The following STAG1 variants were observed in gnomAD, a reference collection of about 807,000 sequenced individuals.
The protein encoded by STAG1 is cohesin subunit SA-1.
STAG1 carries 26 observed loss-of-function variants against 170.9 expected under a neutral mutation model. The ratio of observed to expected loss-of-function variants is 0.15; its 90% confidence interval spans 0.11 to 0.21. The LOEUF (loss-of-function observed/expected upper bound fraction) is 0.21, where lower values mean the gene tolerates loss of function less well. Ranked by LOEUF, STAG1 falls within the 10% of genes least tolerant of loss-of-function variation. STAG1 has a pLI of 1.00. For synonymous variants in STAG1, 514 were observed against 497.7 expected (o/e 1.03, Z -0.44); for missense variants, 964 against 1,509.5 (o/e 0.64, Z 5.99).
rs1289505299 is a variant in STAG1, at chr3:136,550,597, G to A, written c.395-8402C>T. On this transcript the variant is annotated intron_variant, in intron 5 of 33. Transcript: ENST00000383202. ...GCTGGAATTACAGGCATGAGCCACT[G>A]TGCCTGGCCCAGCTTTTCTTTTTCT... is the stretch of plus-strand genomic sequence containing the variant. Among the ~76,000 whole-genome samples the A allele has an allele frequency of 3.9e-5, 6 of 152,026 alleles. 1 individual carries two copies. Among genetic ancestry groups the A allele is most frequent in the Admixed American group, 2.6e-4 (4 of 15,260 alleles).
intron 22 of STAG1, among the ~76,000 whole-genome samples, chr3:136,381,675 T>G (rs1576411046): frequency 6.6e-6 from 1 of 152,236 alleles, no homozygotes; most frequent in South Asian, 2.1e-4. Flanking sequence ...GATTTTTTTT[T>G]GGTCATTCTT....
chr3:136,502,470 C>T (rs757226077), intron 8 of STAG1, among the ~76,000 whole-genome samples, 158 bp downstream of exon 8: 2 of 152,172 alleles, frequency 1.3e-5, no homozygotes, highest in Admixed American at 6.5e-5. Context: ...CTTACATGAT[C>T]ACCAATGAAC....
intron 6 of STAG1, among the ~76,000 whole-genome samples, chr3:136,537,057 C>T (rs1200377198): frequency 1.3e-5 from 2 of 152,130 alleles, no homozygotes; most frequent in Admixed American, 6.5e-5. Context: ...AAATTCATTA[C>T]AATTTCTGGA....
chr3:136,359,365 T>G (rs947447479), intron 26 of STAG1, 69 bp from the exon 27 acceptor site: 2 of 1,179,712 alleles, frequency 1.7e-6, no homozygotes, highest in South Asian at 3.5e-5. Context: ...TCAGAATAGG[T>G]AATTAAAAAA....
chr3:136,369,227 C>A lies in STAG1; in HGVS notation c.2426G>T (p.Gly809Val). The A allele has an allele frequency of 1.2e-6, 2 of 1,603,924 alleles. No homozygotes were observed. The highest frequency in any genetic ancestry group is 2.2e-5 in the South Asian group (2 of 88,906). The part of the protein sequence containing the change: ...LMIFSHQLMT[G>V]GREGLQPLVF... Reference sequence around the variant, plus strand: ...CAAAGGCTGAAGGCCCTCTCTGCCACCTGTCATTAATTGGTGGCTGAAAAT... The same window carrying A: ...CAAAGGCTGAAGGCCCTCTCTGCCAACTGTCATTAATTGGTGGCTGAAAAT... The change falls in exon 24 of 34, where the codon GGT (glycine) becomes GTT (valine). Residue 809 changes from glycine to valine, a missense_variant. Coordinates refer to ENST00000383202, the MANE Select transcript of STAG1 (RefSeq NM_005862.3).
intron 1 of STAG1, among the ~76,000 whole-genome samples, chr3:136,730,372 G>C (rs1363300519): frequency 6.6e-6 from 1 of 152,026 alleles, no homozygotes; most frequent in Non-Finnish European, 1.5e-5. Flanking sequence ...AAGGTTTTTT[G>C]TTTTAATTGC....
intron 4 of STAG1, among the ~76,000 whole-genome samples, chr3:136,582,740 A>G (rs999608411): frequency 6.6e-6 from 1 of 152,242 alleles, no homozygotes; most frequent in East Asian, 1.9e-4. Context: ...CGGAGGCTGC[A>G]GTGAGCAGAG....
chr3:136,451,166 T>C (rs933922567), intron 14 of STAG1, among the ~76,000 whole-genome samples: 43 of 142,546 alleles, frequency 3.0e-4, no homozygotes, highest in Non-Finnish European at 3.1e-5. Context: ...GATTACAATA[T>C]ATTAAAAAAA....
At chr3:136,485,593 A>G (rs576117506) in intron 9 of STAG1, among the ~76,000 whole-genome samples, 1 of 152,346 alleles carries the variant, frequency 6.6e-6, no homozygotes, top group East Asian at 1.9e-4. Context: ...AGGGGACAAT[A>G]TAATGAATAA....
Position 136,551,258 on chromosome 3 carries a change from A to G in STAG1, c.395-9063T>C, listed in dbSNP as rs1224027096. 5.8e-4 allele frequency among the ~76,000 whole-genome samples: 71 copies of G among 122,414 alleles called. 1 individual carries two copies. The East Asian group carries it at 0.01, about 18-fold the overall frequency. The allele number at this position is 122,414 out of a possible 152,430, so 80.3% of individuals were successfully genotyped here. On this transcript the variant is annotated intron_variant, in intron 5 of 33. Coordinates refer to ENST00000383202, the MANE Select transcript of STAG1 (RefSeq NM_005862.3). Reference sequence around the variant, plus strand: ...GAGAGAGAGAGAGAGAGAGAGAGAGAGAGGGAGAGCGAGAGAGCGTGCTCT... The same window carrying G: ...GAGAGAGAGAGAGAGAGAGAGAGAGGGAGGGAGAGCGAGAGAGCGTGCTCT...
At chr3:136,393,248 T>C (rs1457777885) in intron 22 of STAG1, among the ~76,000 whole-genome samples, 1 of 151,984 alleles carries the variant, frequency 6.6e-6, no homozygotes, top group African/African-American at 2.4e-5. Flanking sequence ...AGGGAAAAAA[T>C]TAAGGGGAAA....
At chr3:136,648,691 T>C (rs189182112) in intron 1 of STAG1, among the ~76,000 whole-genome samples, 8 of 152,316 alleles carry the variant, frequency 5.3e-5, no homozygotes, top group Admixed American at 2.0e-4. Flanking sequence ...TTTCCCCTTC[T>C]ACCTACCCTT....
At chr3:136,668,950 C>T (rs1941898190) in intron 1 of STAG1, among the ~76,000 whole-genome samples, 2 of 152,204 alleles carry the variant, frequency 1.3e-5, no homozygotes, top group African/African-American at 4.8e-5. Flanking sequence ...TCCAACTATG[C>T]TTGCTTTCTA....
At chr3:136,500,670 T>C (rs997103920) in intron 8 of STAG1, among the ~76,000 whole-genome samples, 5 of 152,170 alleles carry the variant, frequency 3.3e-5, no homozygotes, top group African/African-American at 1.2e-4. Flanking sequence ...CATCCCTAAT[T>C]AACATATTTG....
chr3:136,400,473 T>G lies in STAG1; in HGVS notation c.2197-1644A>C, dbSNP rs563026967. ...TGAGATCAGGCAATCTGCCCACCTC[T>G]GCCTCCCAAAGTGCTAGGACCATAG... On this transcript the variant is annotated intron_variant, in intron 21 of 33. Coordinates refer to ENST00000383202, the MANE Select transcript of STAG1 (RefSeq NM_005862.3). Among the ~76,000 whole-genome samples the G allele has an allele frequency of 2.3e-4, 35 of 152,126 alleles. No individual in the cohort carries two copies. The South Asian group carries it at 6.6e-3, about 29-fold the overall frequency.
intron 6 of STAG1, among the ~76,000 whole-genome samples, chr3:136,529,063 G>A (rs1388488843): frequency 6.6e-6 from 1 of 152,010 alleles, no homozygotes; most frequent in Non-Finnish European, 1.5e-5. Context: ...ACTGGATCAA[G>A]CAGAAAAATG....
intron 4 of STAG1, among the ~76,000 whole-genome samples, chr3:136,602,659 T>C (rs1056718083): frequency 6.6e-6 from 1 of 152,044 alleles, no homozygotes; most frequent in African/African-American, 2.4e-5. Flanking sequence ...CAGACCAGCC[T>C]GGCCAATATG....
At chr3:136,526,146 A>C (rs1935014486) in intron 6 of STAG1, among the ~76,000 whole-genome samples, 1 of 152,134 alleles carries the variant, frequency 6.6e-6, no homozygotes, top group African/African-American at 2.4e-5. Flanking sequence ...ATTCCTGGAT[A>C]TCCTTTTTAA....
At chr3:136,357,227 T>TTCA (rs1351887001) in intron 28 of STAG1, among the ~76,000 whole-genome samples, 1 of 152,046 alleles carries the variant, frequency 6.6e-6, no homozygotes, top group African/African-American at 2.4e-5. Context: ...AGATTACAGG[T>TTCA]GTGAGCCACC....
Sources: allele counts gnomAD v4.1 joint callset (sites outside exome capture counted in the v4.1 genomes callset), GRCh38; gene constraint gnomAD v4.1.1; transcripts MANE v1.5; gene names NCBI Gene and HGNC (gene_info 2026-07-23, HGNC 2026-07-21).